Variants in RAB31 observed in about 807,000 individuals in gnomAD.
RAB31 encodes ras-related protein Rab-31.
A neutral mutation model predicts 25.6 loss-of-function variants in RAB31; 21 were observed. The observed-to-expected ratio is 0.82, with a 90% CI of 0.58 to 1.18. The LOEUF is 1.18. Ranked by LOEUF, RAB31 falls within the 50% of genes most tolerant of loss-of-function variation. The probability of loss-of-function intolerance (pLI) is 0.00; values close to 1 mark genes in which losing one functional copy is unlikely to be tolerated. For missense variants in RAB31, 196 were observed against 250.1 expected (o/e 0.78, Z 1.46); for synonymous variants, 87 against 84.0 (o/e 1.04, Z -0.20).
At chr18:9,711,347 A>C (rs2068016321) in intron 1 of RAB31, among the ~76,000 whole-genome samples, 2 of 152,070 alleles carry the variant, frequency 1.3e-5, no homozygotes, top group Admixed American at 6.5e-5. Context: ...TGGATCAGTC[A>C]GTGCTAAGTC....
Position 9,740,539 on chromosome 18 carries a change from C to G in RAB31, c.39+32095C>G, listed in dbSNP as rs570266877. ...GACCAGCCTGGCAACATGGTGAAACCCTGTCTCTACTAAAAATGCAAAAAT... is the reference window on the plus strand; with the variant it reads ...GACCAGCCTGGCAACATGGTGAAACGCTGTCTCTACTAAAAATGCAAAAAT... On this transcript the variant is annotated intron_variant, in intron 1 of 6. Coordinates refer to ENST00000578921, the MANE Select transcript of RAB31 (RefSeq NM_006868.4). Among the ~76,000 whole-genome samples, 4 of 151,910 alleles carry G rather than the reference C, an allele frequency of 2.6e-5. No individual in the cohort carries two copies. In the East Asian group the frequency reaches 7.8e-4, roughly 29 times the overall value.
At chr18:9,709,304 G>T (rs1164455594) in intron 1 of RAB31, among the ~76,000 whole-genome samples, 1 of 152,132 alleles carries the variant, frequency 6.6e-6, no homozygotes, top group Non-Finnish European at 1.5e-5. Flanking sequence ...TCCTTTCGGG[G>T]GCCCACTCCG....
At chr18:9,812,907 G>A (rs1257039964) in intron 3 of RAB31, among the ~76,000 whole-genome samples, 1 of 151,598 alleles carries the variant, frequency 6.6e-6, no homozygotes, top group East Asian at 1.9e-4. Context: ...ATATTGGCCA[G>A]GCTGTTCTCA....
chr18:9,832,586 C>T (rs907077672), intron 5 of RAB31, among the ~76,000 whole-genome samples: 4 of 152,146 alleles, frequency 2.6e-5, no homozygotes, highest in Non-Finnish European at 4.4e-5. Context: ...GAACGGGCCG[C>T]GAATGTCGGA....
chr18:9,714,359 C>T (rs761321264), intron 1 of RAB31, among the ~76,000 whole-genome samples: 2 of 152,184 alleles, frequency 1.3e-5, no homozygotes, highest in Non-Finnish European at 2.9e-5. Flanking sequence ...CCCTCACATG[C>T]GCAGTTCACA....
chr18:9,803,128 C>T (rs146644892), intron 3 of RAB31, among the ~76,000 whole-genome samples: 6 of 152,256 alleles, frequency 3.9e-5, no homozygotes, highest in African/African-American at 1.2e-4. Context: ...CACGATAGAA[C>T]GTTTTTGTAG....
At chr18:9,782,804 C>T (rs1484594395) in intron 2 of RAB31, among the ~76,000 whole-genome samples, 2 of 152,164 alleles carry the variant, frequency 1.3e-5, no homozygotes, top group African/African-American at 4.8e-5. Flanking sequence ...TCAAGTGATC[C>T]TCCCACCTTA....
chr18:9,856,591 G>A (rs2068817276), intron 6 of RAB31, among the ~76,000 whole-genome samples: 1 of 152,168 alleles, frequency 6.6e-6, no homozygotes, highest in African/African-American at 2.4e-5. Flanking sequence ...ACAGCACAAA[G>A]TTTTGATGTT....
chr18:9,840,820 C>G (rs964040691), intron 5 of RAB31, among the ~76,000 whole-genome samples: 4 of 152,146 alleles, frequency 2.6e-5, no homozygotes, highest in African/African-American at 9.7e-5. Context: ...ATGACCTCTC[C>G]TCAAATTCAG....
chr18:9,755,815 C>T (rs1286060349), intron 1 of RAB31, among the ~76,000 whole-genome samples: 2 of 152,284 alleles, frequency 1.3e-5, no homozygotes, highest in Middle Eastern at 3.4e-3. Flanking sequence ...CTCAGGAGGC[C>T]TGGACAATGG....
rs117932875 is a variant in RAB31 at position 9,771,388 on chromosome 18, A to G, written c.40-3890A>G. 2.4e-4 allele frequency among the ~76,000 whole-genome samples: 36 copies of G among 152,274 alleles called. No individual in the cohort carries two copies. The East Asian group carries it at 6.7e-3, about 29-fold the overall frequency. Reference sequence around the variant, plus strand: ...TCAGAATCTTACGAAATGGAATAATATATACATAGATGGGTTTCCGTCAGT... The same window carrying G: ...TCAGAATCTTACGAAATGGAATAATGTATACATAGATGGGTTTCCGTCAGT... On this transcript the variant is annotated intron_variant, in intron 1 of 6. Coordinates refer to ENST00000578921, the MANE Select transcript of RAB31 (RefSeq NM_006868.4).
chr18:9,859,575 A>T lies in RAB31; in HGVS notation c.*250A>T. On this transcript the variant is annotated 3_prime_UTR_variant, in exon 7 of 7. Transcript: ENST00000578921. ...TATGAAATGCACATGGAGGGGATGT[A>T]GTTGCATTTTTGCTAAAAAAAAAAA... 1.3e-5 allele frequency: 4 copies of T among 305,468 alleles called. No homozygotes were observed. The highest frequency in any genetic ancestry group is 2.3e-5 in the Non-Finnish European group (4 of 170,836). 18.9% of individuals were successfully genotyped at this position (305,468 alleles called of 1,614,324 possible). A position where few individuals can be genotyped will look rare whatever the true frequency, so the allele number is the denominator to read the frequency against.
chr18:9,740,099 C>T (rs576845408), intron 1 of RAB31, among the ~76,000 whole-genome samples: 37 of 152,326 alleles, frequency 2.4e-4, no homozygotes, highest in African/African-American at 8.7e-4. Flanking sequence ...ATCCTGACTC[C>T]CTCACTTGCT....
Position 9,744,803 on chromosome 18 carries a change from C to T in RAB31, c.40-30475C>T, listed in dbSNP as rs192034807. Among the ~76,000 whole-genome samples, 13 of 151,920 alleles carry T rather than the reference C, an allele frequency of 8.6e-5. No individual in the cohort carries two copies. The East Asian group carries it at 2.5e-3, about 29-fold the overall frequency. On this transcript the variant is annotated intron_variant, in intron 1 of 6. Coordinates refer to ENST00000578921, the MANE Select transcript of RAB31 (RefSeq NM_006868.4). ...GAATGAAGACAAAAGCACAACATTC[C>T]AAAACTTCAGAGCAGTGCTCAGAGG...
chr18:9,851,180 C>T lies in RAB31; in HGVS notation c.490+5489C>T, dbSNP rs539904790. On this transcript the variant is annotated intron_variant, in intron 6 of 6. Coordinates refer to ENST00000578921, the MANE Select transcript of RAB31 (RefSeq NM_006868.4). The stretch of plus-strand genomic sequence containing the variant: ...GACAAAGACAAAGTTTGTCCACTTT[C>T]TCACCCCAAAAAAAGTTAATTTACC... Among the ~76,000 whole-genome samples the T allele has an allele frequency of 4.2e-4, 63 of 151,162 alleles. 1 individual carries two copies. In the East Asian group the frequency reaches 0.011, roughly 26 times the overall value.
At chr18:9,824,282 ATGTG>A (rs201823356) in intron 5 of RAB31, among the ~76,000 whole-genome samples, 8 of 140,848 alleles carry the variant, frequency 5.7e-5, no homozygotes, top group African/African-American at 2.6e-5. Flanking sequence ...GTGTATGTAG[ATGTG>A]TGTGTATGTG....
At position 9,743,818 on chromosome 18, in the gene RAB31, G is replaced by T. The variant is rs1322929197; in HGVS notation, c.40-31460G>T. Among the ~76,000 whole-genome samples, 4 of 152,224 alleles carry T rather than the reference G, an allele frequency of 2.6e-5. No homozygotes were observed. The East Asian group carries it at 7.7e-4, about 29-fold the overall frequency. The stretch of plus-strand genomic sequence containing the variant: ...GGCACCTCCAGGACCTCTGTCTTTT[G>T]ATTGTTGGTCTCAGTTTGCAGACAG... On this transcript the variant is annotated intron_variant, in intron 1 of 6. Coordinates refer to ENST00000578921, the MANE Select transcript of RAB31 (RefSeq NM_006868.4).
chr18:9,718,202 A>C (rs1462427022), intron 1 of RAB31, among the ~76,000 whole-genome samples: 1 of 151,386 alleles, frequency 6.6e-6, no homozygotes, highest in African/African-American at 2.4e-5. Flanking sequence ...ATCTCATGGC[A>C]TCAATACTAC....
intron 1 of RAB31, among the ~76,000 whole-genome samples, chr18:9,754,020 G>C (rs2068248382): frequency 6.6e-6 from 1 of 152,124 alleles, no homozygotes; most frequent in African/African-American, 2.4e-5. Context: ...TCACCACTGG[G>C]CATAAGTAGT....
Sources: gnomAD v4.1 joint callset for allele counts (sites outside exome capture counted in the v4.1 genomes callset) on GRCh38, gnomAD v4.1.1 for gene constraint, MANE v1.5 for transcripts, NCBI Gene and HGNC (gene_info 2026-07-23, HGNC 2026-07-21) for gene names.